The following TRAPPC13 variants were observed in gnomAD, a reference collection of about 807,000 sequenced individuals.
TRAPPC13 encodes trafficking protein particle complex subunit 13.
TRAPPC13 carries 39 observed loss-of-function variants against 54.0 expected under a neutral mutation model. The ratio of observed to expected loss-of-function variants is 0.72; its 90% CI spans 0.56 to 0.94. The LOEUF is 0.94. Among genes scored for constraint, TRAPPC13 ranks in the 40% least tolerant of loss-of-function variants. The pLI is 0.00. For missense variants in TRAPPC13, 386 were observed against 488.1 expected (o/e 0.79, Z 1.97); for synonymous variants, 148 against 167.7 (o/e 0.88, Z 0.91).
At chr5:65,628,917 A>G (rs1198000685) in intron 1 of TRAPPC13, among the ~76,000 whole-genome samples, 1 of 151,730 alleles carries the variant, frequency 6.6e-6, no homozygotes, top group Non-Finnish European at 1.5e-5. Flanking sequence ...TCCCAGGTTC[A>G]AGCTATTCTC....
intron 11 of TRAPPC13, chr5:65,664,012 G>A: frequency 2.1e-6 from 1 of 480,612 alleles, no homozygotes; most frequent in African/African-American, 2.0e-5. Flanking sequence ...CATCCAGACA[G>A]GCAGATTAGT....
chr5:65,625,704 A>G (rs1251504789), intron 1 of TRAPPC13, among the ~76,000 whole-genome samples: 2 of 152,176 alleles, frequency 1.3e-5, no homozygotes, highest in South Asian at 2.1e-4. Context: ...TTAGGAAAAA[A>G]CAGCAGCACT....
chr5:65,659,294 C>T (rs1756765006), intron 9 of TRAPPC13, among the ~76,000 whole-genome samples: 1 of 152,174 alleles, frequency 6.6e-6, no homozygotes, highest in South Asian at 2.1e-4. Context: ...TCCACCATTA[C>T]TATATTATGC....
chr5:65,625,049 G>A lies in TRAPPC13; in HGVS notation c.-12G>A. Reference sequence around the variant, plus strand: ...AGCCCCCGTAGGCTGTGGGTCAAAAGTGCCGGTCAAAATGGAAGTGAATCC... The same window carrying A: ...AGCCCCCGTAGGCTGTGGGTCAAAAATGCCGGTCAAAATGGAAGTGAATCC... On this transcript the variant is annotated 5_prime_UTR_variant, in exon 1 of 13. The change creates a new upstream start codon in the 5' untranslated region. Transcript: ENST00000399438. 10 of 1,613,322 alleles carry A rather than the reference G, an allele frequency of 6.2e-6. No individual in the cohort carries two copies. Among genetic ancestry groups the A allele is most frequent in the South Asian group, 2.2e-5 (2 of 91,018 alleles).
rs1554129735 is a variant in TRAPPC13, at chr5:65,651,646, T to TTGG, written c.501+764_501+765insTGG. On this transcript the variant is annotated intron_variant, in intron 6 of 12. Transcript: ENST00000399438. ...AAAACACTGGTTTAGCACATTTATGTGGGGGGGGTGGTGAGGAAATGTGAA... is the reference window on the plus strand; with the variant it reads ...AAAACACTGGTTTAGCACATTTATGTTGGGGGGGGGGTGGTGAGGAAATGTGAA... 1.5e-4 allele frequency among the ~76,000 whole-genome samples: 21 copies of TTGG among 142,444 alleles called. 1 individual carries two copies. Among genetic ancestry groups the TTGG allele is most frequent in the South Asian group, 9.1e-4 (4 of 4,402 alleles). The allele number at this position is 142,444 out of a possible 152,430, so 93.4% of individuals were successfully genotyped here. A position where few individuals can be genotyped will look rare whatever the true frequency, so the allele number is the denominator to read the frequency against.
chr5:65,655,614 T>C, intron 7 of TRAPPC13, 22 bp from the exon 8 acceptor site: 1 of 762,756 alleles, frequency 1.3e-6, no homozygotes, highest in African/African-American at 1.8e-5. Flanking sequence ...TTTCTAATTA[T>C]TCTTTTTTAT....
intron 4 of TRAPPC13, among the ~76,000 whole-genome samples, chr5:65,643,352 GAT>G (rs368222821): frequency 1.3e-4 from 20 of 150,788 alleles, no homozygotes; most frequent in African/African-American, 2.7e-4. Flanking sequence ...TAAAGTTAGA[GAT>G]ATATATATAT....
intron 4 of TRAPPC13, among the ~76,000 whole-genome samples, chr5:65,640,572 C>A (rs1755928586): frequency 6.6e-6 from 1 of 152,146 alleles, no homozygotes; most frequent in African/African-American, 2.4e-5. Context: ...AGCTTGCCAA[C>A]CTCTACATTC....
intron 11 of TRAPPC13, chr5:65,662,774 A>G (rs939497197): frequency 2.0e-5 from 3 of 152,128 alleles, no homozygotes; most frequent in African/African-American, 7.2e-5. Flanking sequence ...CTTAGTGTGA[A>G]TGTATAATCC....
At chr5:65,637,912 A>G in intron 4 of TRAPPC13, 132 bp downstream of exon 4, 1 of 443,276 alleles carries the variant, frequency 2.3e-6, no homozygotes, top group Non-Finnish European at 4.2e-6. Flanking sequence ...TGAGGTCAGG[A>G]GTTCAAGACC....
chr5:65,652,612 TA>T, intron 7 of TRAPPC13, 67 bp downstream of exon 7: 1 of 1,139,716 alleles, frequency 8.8e-7, no homozygotes. Context: ...AAAAATCTCT[TA>T]TATACATTTC....
In TRAPPC13 at chr5:65,652,339, C is replaced by CTTTTTTTTTT. The variant is rs11354403; in HGVS notation, c.502-154_502-145dup. Among the ~76,000 whole-genome samples, 24 of 116,230 alleles carry CTTTTTTTTTT rather than the reference C, an allele frequency of 2.1e-4. 1 individual carries two copies. Among genetic ancestry groups the CTTTTTTTTTT allele is most frequent in the African/African-American group, 6.9e-4 (22 of 31,824 alleles). The allele number at this position is 116,230 out of a possible 152,430, so 76.3% of individuals were successfully genotyped here. On this transcript the variant is annotated intron_variant, in intron 6 of 12. Transcript: ENST00000399438. Reference sequence around the variant, plus strand: ...TACATTAGGGATTCTTTTTTCTTTTCTTTTTTTTTTTTTTTTTGGAAGAAT... The same window carrying CTTTTTTTTTT: ...TACATTAGGGATTCTTTTTTCTTTTCTTTTTTTTTTTTTTTTTTTTTTTTTTTGGAAGAAT...
chr5:65,630,047 G>A, intron 1 of TRAPPC13: 2 of 1,536,062 alleles, frequency 1.3e-6, no homozygotes, highest in Non-Finnish European at 1.7e-6. Flanking sequence ...AAAATTGCAA[G>A]ATAGTTTAAA....
intron 1 of TRAPPC13, chr5:65,626,204 C>G (rs1190723540): frequency 6.6e-6 from 1 of 152,198 alleles, no homozygotes; most frequent in Non-Finnish European, 1.5e-5. Context: ...AATCTCACTT[C>G]AAGTATGTGG....
chr5:65,650,542 A>G (rs1756389963), intron 5 of TRAPPC13, among the ~76,000 whole-genome samples: 1 of 152,116 alleles, frequency 6.6e-6, no homozygotes, highest in Non-Finnish European at 1.5e-5. Flanking sequence ...TCTGAGAATT[A>G]TTTTGGAATA....
At chr5:65,636,129 T>A in intron 3 of TRAPPC13, 86 bp downstream of exon 3, 2 of 823,550 alleles carry the variant, frequency 2.4e-6, no homozygotes, top group Non-Finnish European at 3.8e-6. Flanking sequence ...GGGGAAATGC[T>A]CATGATACAT....
At position 65,664,279 on chromosome 5, in the gene TRAPPC13, T is replaced by G; in HGVS notation, c.1041T>G (p.Asn347Lys). 6.2e-7 allele frequency: 1 copy of G among 1,613,880 alleles called. No homozygotes were observed. The highest frequency in any genetic ancestry group is 8.5e-7 in the Non-Finnish European group (1 of 1,179,798). Residue 347 changes from asparagine (N) to lysine (K), a missense_variant, in exon 12 of 13, where the codon AAT (asparagine) becomes AAG (lysine). Physicochemically the swap from Asn to Lys is moderately conservative, Grantham distance 94 (BLOSUM62 0). Coordinates refer to ENST00000399438, the MANE Select transcript of TRAPPC13 (RefSeq NM_024941.4). ...TGGTTTTGGAAATGTGCAATACCAATTCCATCCACTGGTGTGGAATTTCAG... is the reference window on the plus strand; with the variant it reads ...TGGTTTTGGAAATGTGCAATACCAAGTCCATCCACTGGTGTGGAATTTCAG... Reference protein sequence around the residue: ...MDLVLEMCNTNSIHWCGISGR... With the variant: ...MDLVLEMCNTKSIHWCGISGR...
chr5:65,652,886 T>G, intron 7 of TRAPPC13: 1 of 322,000 alleles, frequency 3.1e-6, no homozygotes, highest in East Asian at 7.9e-5. Context: ...TTACAAAAAT[T>G]GAATTAGTAG....
At chr5:65,648,394 GCCTGTC>G (rs11277579) in intron 5 of TRAPPC13, among the ~76,000 whole-genome samples, 89,879 of 151,194 alleles carry the variant, frequency 0.59, 27,005 homozygotes, top group South Asian at 0.64. Flanking sequence ...CTTATTGAGT[GCCTGTC>G]CCTGCCTTTC....
Sources: gnomAD v4.1 joint callset for allele counts (sites outside exome capture counted in the v4.1 genomes callset) on GRCh38, gnomAD v4.1.1 for gene constraint, MANE v1.5 for transcripts, NCBI Gene and HGNC (gene_info 2026-07-23, HGNC 2026-07-21) for gene names.